The following PDE10A variants were observed in gnomAD, a reference collection of about 807,000 sequenced individuals.
The protein encoded by PDE10A is phosphodiesterase 10A.
A neutral mutation model predicts 97.7 loss-of-function variants in PDE10A; 39 were observed. The observed-to-expected ratio is 0.40, with a 90% CI of 0.31 to 0.52. The LOEUF is 0.52. Ranked by LOEUF, PDE10A falls within the 20% of genes least tolerant of loss-of-function variation. The pLI is 0.56. For missense variants in PDE10A, 731 were observed against 1,047.8 expected (o/e 0.70, Z 4.17); for synonymous variants, 371 against 376.8 (o/e 0.98, Z 0.18).
At chr6:165,402,174 C>A (rs1562426243) in intron 13 of PDE10A, among the ~76,000 whole-genome samples, 1 of 151,914 alleles carries the variant, frequency 6.6e-6, no homozygotes, top group Non-Finnish European at 1.5e-5. Flanking sequence ...CTTTTATTGT[C>A]ATTTTATATG....
chr6:165,596,757 T>TA, intron 1 of PDE10A, among the ~76,000 whole-genome samples: 1 of 152,154 alleles, frequency 6.6e-6, no homozygotes, highest in African/African-American at 2.4e-5. Context: ...TGTAAGTGAA[T>TA]AAACAAACAA....
At chr6:165,925,896 A>G (rs926782567) in intron 1 of PDE10A, among the ~76,000 whole-genome samples, 2 of 152,204 alleles carry the variant, frequency 1.3e-5, no homozygotes, top group African/African-American at 4.8e-5. Context: ...AAATCTGAAT[A>G]TGGTGGATGG....
chr6:165,967,256 G>T (rs1414858535), intron 1 of PDE10A, among the ~76,000 whole-genome samples: 1 of 152,156 alleles, frequency 6.6e-6, no homozygotes, highest in Non-Finnish European at 1.5e-5. Flanking sequence ...CTTAACTTTG[G>T]GAGGCCGAGG....
intron 1 of PDE10A, chr6:165,986,065 T>C (rs1018130049): frequency 1.3e-5 from 2 of 152,994 alleles, no homozygotes; most frequent in African/African-American, 2.4e-5. Flanking sequence ...TCTTCCTGCA[T>C]GTGCTCCTGT....
At position 165,941,473 on chromosome 6, in the gene PDE10A, G is replaced by A. The variant is rs552265123; in HGVS notation, c.-615+46056C>T. Among the ~76,000 whole-genome samples the A allele has an allele frequency of 2.0e-5, 3 of 152,216 alleles. No individual in the cohort carries two copies. In the South Asian group the frequency reaches 6.2e-4, roughly 32 times the overall value. ...CACAGAGCCCACCTGACATCATTTG[G>A]ATATTTGTCCCCACCCAAATCTCAT... On this transcript the variant is annotated intron_variant, in intron 1 of 19. Transcript: ENST00000366882.
At chr6:165,548,226 A>G (rs1022291157) in intron 1 of PDE10A, among the ~76,000 whole-genome samples, 2 of 151,666 alleles carry the variant, frequency 1.3e-5, no homozygotes, top group Non-Finnish European at 2.9e-5. Context: ...TCACAAATAA[A>G]GAGAAATTAT....
chr6:165,436,875 C>T (rs1186529202), intron 5 of PDE10A, among the ~76,000 whole-genome samples: 3 of 151,832 alleles, frequency 2.0e-5, no homozygotes, highest in Non-Finnish European at 4.4e-5. Context: ...AGTTTGTCAC[C>T]CTTTCTTAAG....
At chr6:165,726,834 GA>G (rs750822359) in intron 1 of PDE10A, among the ~76,000 whole-genome samples, 14 of 152,226 alleles carry the variant, frequency 9.2e-5, no homozygotes, top group Non-Finnish European at 1.8e-4. Context: ...CCGACCACAG[GA>G]AAACAAGCAC....
intron 1 of PDE10A, among the ~76,000 whole-genome samples, chr6:165,730,459 A>C (rs1792401801): frequency 6.6e-6 from 1 of 152,168 alleles, no homozygotes; most frequent in Non-Finnish European, 1.5e-5. Context: ...TCCAATTTTA[A>C]AAGATGACAA....
At chr6:165,404,756 T>C (rs982776591) in intron 13 of PDE10A, among the ~76,000 whole-genome samples, 1 of 152,122 alleles carries the variant, frequency 6.6e-6, no homozygotes, top group African/African-American at 2.4e-5. Context: ...ACTGAGAGAT[T>C]TAAAATACAC....
chr6:165,418,053 T>G lies in PDE10A; in HGVS notation c.1796+582A>C, dbSNP rs1291753211. Among the ~76,000 whole-genome samples the G allele has an allele frequency of 6.6e-6, 1 of 152,152 alleles. No homozygotes were observed. Among genetic ancestry groups the G allele is most frequent in the Non-Finnish European group, 1.5e-5 (1 of 68,028 alleles). On this transcript the variant is annotated intron_variant, in intron 11 of 21. Coordinates refer to ENST00000539869, the MANE Select transcript of PDE10A (RefSeq NM_001385079.1). The surrounding 1 kb of genome is among the most constrained non-coding windows in gnomAD (Gnocchi z 4.8). Reference sequence around the variant, plus strand: ...CAGGTGCGATATGAGCAAGCCCCCATGCCTCCATCAACAAAATAAACTCCA... The same window carrying G: ...CAGGTGCGATATGAGCAAGCCCCCAGGCCTCCATCAACAAAATAAACTCCA...
intron 20 of PDE10A, among the ~76,000 whole-genome samples, chr6:165,336,501 G>A (rs1050214915): frequency 2.2e-4 from 33 of 152,268 alleles, no homozygotes; most frequent in African/African-American, 7.9e-4. Context: ...TGTAATCCCA[G>A]CACTTTGGGA....
chr6:165,948,920 T>G (rs1243775170), intron 1 of PDE10A: 1 of 152,276 alleles, frequency 6.6e-6, no homozygotes, highest in Non-Finnish European at 1.5e-5. Flanking sequence ...CAACAAAACG[T>G]GACAGCCTCG....
chr6:165,746,440 T>C (rs544679893), intron 1 of PDE10A, among the ~76,000 whole-genome samples: 37 of 152,340 alleles, frequency 2.4e-4, no homozygotes, highest in Admixed American at 1.0e-3. Context: ...GTTCACATTC[T>C]TACATCAACA....
In PDE10A at chr6:165,901,205, T is replaced by A. The variant is rs575986875; in HGVS notation, c.-615+86324A>T. ...TTCTGTGGCGTCTCCAGCTCCTGGC[T>A]CGATGCCCAGCAGGAACTCTGTGCT... On this transcript the variant is annotated intron_variant, in intron 1 of 19. Coordinates refer to the PDE10A transcript ENST00000366882. Among the ~76,000 whole-genome samples the A allele has an allele frequency of 3.9e-5, 6 of 152,280 alleles. 1 individual carries two copies. The South Asian group carries it at 1.0e-3, about 26-fold the overall frequency.
At chr6:165,691,062 ACTCTCTCTCTCT>A in intron 1 of PDE10A, among the ~76,000 whole-genome samples, 1 of 102,366 alleles carries the variant, frequency 9.8e-6, no homozygotes, top group East Asian at 3.8e-4. Context: ...TTACAGTAAT[ACTCTCTCTCTCT>A]TTCTCTCTCT....
In PDE10A at chr6:165,336,206, C is replaced by T. The variant is rs146776051; in HGVS notation, c.2982G>A (p.Gly994=). Residue 994 remains glycine (G), a synonymous_variant, in exon 21 of 22, where the codon GGG becomes GGA. Transcript: ENST00000539869. ...AGGGAATGGCCACGGCATTGTAGAACCCAAGCTGCCTCCATGCAAAAACCA... is the reference window on the plus strand; with the variant it reads ...AGGGAATGGCCACGGCATTGTAGAATCCAAGCTGCCTCCATGCAAAAACCA... ...KKDEVPQGQL[G]FYNAVAIPCY... 290 of 1,613,076 alleles carry T rather than the reference C, an allele frequency of 1.8e-4. No homozygotes were observed. The African/African-American group carries it at 3.4e-3, about 19-fold the overall frequency.
At chr6:165,882,319 C>G (rs1781504725) in intron 1 of PDE10A, among the ~76,000 whole-genome samples, 1 of 152,198 alleles carries the variant, frequency 6.6e-6, no homozygotes, top group South Asian at 2.1e-4. Context: ...TTTCCTAAAC[C>G]TGGTGTCCAA....
At chr6:165,492,040 C>CT (rs1273912649) in intron 2 of PDE10A, among the ~76,000 whole-genome samples, 1 of 151,950 alleles carries the variant, frequency 6.6e-6, no homozygotes, top group Admixed American at 6.6e-5. Context: ...ACAAACAACA[C>CT]CACACAAATA....
Sources: allele counts gnomAD v4.1 joint callset (sites outside exome capture counted in the v4.1 genomes callset), GRCh38; gene constraint gnomAD v4.1.1; non-coding constraint Gnocchi (gnomAD v3.1); transcripts MANE v1.5; gene names NCBI Gene and HGNC (gene_info 2026-07-23, HGNC 2026-07-21).